Variants in RPS6KC1 observed in about 807,000 individuals in gnomAD.
The protein encoded by RPS6KC1 is ribosomal protein S6 kinase C1.
RPS6KC1 carries 54 observed loss-of-function variants against 103.8 expected under a neutral mutation model. The ratio of observed to expected loss-of-function variants is 0.52; its 90% CI spans 0.42 to 0.65. The LOEUF is 0.65. Ranked by LOEUF, RPS6KC1 falls within the 30% of genes least tolerant of loss-of-function variation. The probability of loss-of-function intolerance (pLI) is 0.00; values close to 1 mark genes in which losing one functional copy is unlikely to be tolerated. For synonymous variants in RPS6KC1, 439 were observed against 438.7 expected (o/e 1.00, Z -0.01); for missense variants, 1,151 against 1,253.8 (o/e 0.92, Z 1.24).
At chr1:213,681,959 T>G in the RPS6KC1 span, among the ~76,000 whole-genome samples, 21 of 152,306 alleles carry the variant, frequency 1.4e-4, no homozygotes, top group African/African-American at 5.1e-4. Context: ...CTTTCCTAGG[T>G]TTGCTGTCCA....
the RPS6KC1 span, among the ~76,000 whole-genome samples, chr1:213,371,015 AGAGTT>A: frequency 2.3e-4 from 35 of 152,214 alleles, no homozygotes; most frequent in Admixed American, 5.2e-4. Flanking sequence ...ACCGTTCAAT[AGAGTT>A]AAGTACATTC....
At chr1:213,850,134 TAAAC>T in the RPS6KC1 span, among the ~76,000 whole-genome samples, 1 of 152,208 alleles carries the variant, frequency 6.6e-6, no homozygotes, top group Non-Finnish European at 1.5e-5. Context: ...AGAATATTGT[TAAAC>T]AAATAATTGT....
chr1:213,632,319 T>C, the RPS6KC1 span, among the ~76,000 whole-genome samples: 2 of 152,178 alleles, frequency 1.3e-5, no homozygotes, highest in Non-Finnish European at 1.5e-5. Context: ...AGCTCCAGTC[T>C]GCAGCTCCCA....
At chr1:213,281,338 A>T in the RPS6KC1 span, among the ~76,000 whole-genome samples, 2 of 152,246 alleles carry the variant, frequency 1.3e-5, no homozygotes, top group Non-Finnish European at 2.9e-5. Context: ...TATTTTGAGA[A>T]CATGCTTTTT....
chr1:213,378,439 T>C, the RPS6KC1 span, among the ~76,000 whole-genome samples: 1 of 152,214 alleles, frequency 6.6e-6, no homozygotes, highest in Non-Finnish European at 1.5e-5. Flanking sequence ...GGGATGGTCA[T>C]GTACATAGCC....
chr1:213,602,019 TCTTTCTTTCTCTTTC>T, the RPS6KC1 span, among the ~76,000 whole-genome samples: 1,644 of 31,476 alleles, frequency 0.052, 447 homozygotes, highest in African/African-American at 0.068. Context: ...TTCTTTTCTT[TCTTTCTTTCTCTTTC>T]TCTTTCTTTC....
the RPS6KC1 span, among the ~76,000 whole-genome samples, chr1:213,618,419 T>C: frequency 6.6e-6 from 1 of 152,164 alleles, no homozygotes; most frequent in African/African-American, 2.4e-5. Context: ...GACACCTGGG[T>C]TGAAATCCTG....
At chr1:213,781,916 T>C in the RPS6KC1 span, among the ~76,000 whole-genome samples, 1 of 152,182 alleles carries the variant, frequency 6.6e-6, no homozygotes, top group African/African-American at 2.4e-5. Flanking sequence ...TGAACCATTT[T>C]TGTGTTGCTG....
chr1:213,698,228 G>T, the RPS6KC1 span, among the ~76,000 whole-genome samples: 4 of 152,168 alleles, frequency 2.6e-5, no homozygotes, highest in Non-Finnish European at 5.9e-5. Context: ...ATTGGTAAAC[G>T]TATTTAATGC....
chr1:213,210,461 ACCGT>A (rs2093472850), intron 8 of RPS6KC1, among the ~76,000 whole-genome samples: 1 of 152,166 alleles, frequency 6.6e-6, no homozygotes, highest in African/African-American at 2.4e-5. Context: ...CAAACTGAAA[ACCGT>A]CCAAACATTC....
At chr1:213,420,216 G>A in the RPS6KC1 span, among the ~76,000 whole-genome samples, 8 of 152,188 alleles carry the variant, frequency 5.3e-5, no homozygotes, top group African/African-American at 1.2e-4. Flanking sequence ...TGGGCAGCTC[G>A]GCCCCTGCTC....
chr1:213,500,136 C>T, the RPS6KC1 span, among the ~76,000 whole-genome samples: 4,769 of 149,380 alleles, frequency 0.032, 183 homozygotes, highest in East Asian at 0.12. Context: ...CTTGTAATAA[C>T]TTAGCTTAAA....
chr1:213,356,051 G>A, the RPS6KC1 span, among the ~76,000 whole-genome samples: 1 of 152,196 alleles, frequency 6.6e-6, no homozygotes, highest in African/African-American at 2.4e-5. Context: ...GGTCAGTCTG[G>A]TTATGTGCTG....
the RPS6KC1 span, among the ~76,000 whole-genome samples, chr1:213,455,067 G>A: frequency 6.6e-6 from 1 of 152,178 alleles, no homozygotes; most frequent in East Asian, 1.9e-4. Flanking sequence ...TGTGGACATT[G>A]AGGGGAGAAA....
chr1:213,514,891 GT>G, the RPS6KC1 span, among the ~76,000 whole-genome samples: 1 of 152,178 alleles, frequency 6.6e-6, no homozygotes, highest in Non-Finnish European at 1.5e-5. Flanking sequence ...TCCAGCACCT[GT>G]TGTTTCCTAC....
intron 8 of RPS6KC1, among the ~76,000 whole-genome samples, chr1:213,196,231 T>C (rs1023846324): frequency 1.3e-5 from 2 of 152,176 alleles, no homozygotes; most frequent in Non-Finnish European, 1.5e-5. Context: ...CCTGATAATT[T>C]GTGATGTTGA....
At chr1:213,815,741 T>C in the RPS6KC1 span, among the ~76,000 whole-genome samples, 723 of 152,334 alleles carry the variant, frequency 4.7e-3, 8 homozygotes, top group African/African-American at 0.017. Context: ...CTGTTTTGCT[T>C]TCTTATCATT....
At chr1:213,526,657 C>T in the RPS6KC1 span, among the ~76,000 whole-genome samples, 842 of 152,222 alleles carry the variant, frequency 5.5e-3, 10 homozygotes, top group African/African-American at 0.019. Context: ...CTGATTCTAC[C>T]GCTAAAACTG....
At chr1:213,355,003 A>G in the RPS6KC1 span, among the ~76,000 whole-genome samples, 1 of 152,284 alleles carries the variant, frequency 6.6e-6, no homozygotes, top group East Asian at 1.9e-4. Flanking sequence ...GGATCACCTA[A>G]GGTCAGGAGT....
Sources: gnomAD v4.1 joint callset for allele counts (sites outside exome capture counted in the v4.1 genomes callset) on GRCh38, gnomAD v4.1.1 for gene constraint, MANE v1.5 for transcripts, NCBI Gene and HGNC (gene_info 2026-07-23, HGNC 2026-07-21) for gene names.